Variants in AKAP11 observed in about 807,000 individuals in gnomAD.
AKAP11 encodes A-kinase anchor protein 11.
In AKAP11, 36 loss-of-function variants were observed where a neutral mutation model predicts 146.1. That is an observed-to-expected ratio of 0.25 (90% confidence interval 0.19 to 0.33). The LOEUF (loss-of-function observed/expected upper bound fraction) is 0.33, where lower values mean the gene tolerates loss of function less well. Ranked by LOEUF, AKAP11 falls within the 10% of genes least tolerant of loss-of-function variation. AKAP11 has a pLI of 1.00. For synonymous variants in AKAP11, 780 were observed against 786.5 expected (o/e 0.99, Z 0.14); for missense variants, 2,201 against 2,197.0 (o/e 1.00, Z -0.04).
At chr13:42,318,218 TAC>T (rs2138725036) in intron 12 of AKAP11, among the ~76,000 whole-genome samples, 1 of 152,340 alleles carries the variant, frequency 6.6e-6, no homozygotes, top group African/African-American at 2.4e-5. Context: ...ATTTTCAGTT[TAC>T]AGTCTTAAGG....
chr13:42,277,211 A>G (rs1958944630), intron 1 of AKAP11, among the ~76,000 whole-genome samples: 1 of 152,254 alleles, frequency 6.6e-6, no homozygotes, highest in South Asian at 2.1e-4. Context: ...CACACTCAAT[A>G]GTGAAACTAA....
Position 42,286,385 on chromosome 13 carries a change from G to A in AKAP11, c.37G>A (p.Ala13Thr). 6.2e-7 allele frequency: 1 copy of A among 1,600,456 alleles called. No individual in the cohort carries two copies. The highest frequency in any genetic ancestry group is 8.5e-7 in the Non-Finnish European group (1 of 1,174,680). ...TFRNNHMKTKASVRKSFSEDV... is the reference protein window; with the variant it reads ...TFRNNHMKTKTSVRKSFSEDV... ...CAGAAACAATCACATGAAGACTAAA[G>A]CATCTGTCAGAAAAGTAAGTTCACT... The change falls in exon 3 of 13, where the codon GCA becomes ACA. Residue 13 changes from alanine (A) to threonine (T), a missense_variant. By Grantham distance (58) the Ala-to-Thr change is moderately conservative. Coordinates refer to ENST00000025301, the MANE Select transcript of AKAP11 (RefSeq NM_016248.4).
Position 42,302,520 on chromosome 13 carries a change from T to G in AKAP11, c.3774T>G (p.Asn1258Lys), listed in dbSNP as rs770086796. Residue 1258 changes from asparagine (N) to lysine (K), a missense_variant, in exon 8 of 13, where the codon AAT (asparagine) becomes AAG (lysine). Asn to Lys is a moderately conservative substitution (Grantham distance 94). Around this residue, in one of 3 missense-constraint regions of AKAP11, gnomAD observed 1,867 missense variants for 1,833.5 expected, o/e 1.02. Coordinates refer to ENST00000025301, the MANE Select transcript of AKAP11 (RefSeq NM_016248.4). ...PSDENLKTLC[N>K]FAGDLAAEVI... ...ACGAAAATTTGAAAACATTATGCAA[T>G]TTTGCGGGTGATCTGGCAGCAGAAG... 19 of 1,614,124 alleles carry G rather than the reference T, an allele frequency of 1.2e-5. No homozygotes were observed. Among genetic ancestry groups the G allele is most frequent in the Non-Finnish European group, 1.6e-5 (19 of 1,180,010 alleles).
chr13:42,302,986 A>G lies in AKAP11; in HGVS notation c.4240A>G (p.Asn1414Asp), dbSNP rs1960032788. 3 of 1,613,760 alleles carry G rather than the reference A, an allele frequency of 1.9e-6. No homozygotes were observed. The highest frequency in any genetic ancestry group is 2.2e-5 in the East Asian group (1 of 44,886). ...KTNKELLMFS[N>D]KEHHQEADKK... ...AAACAAGGAACTGTTAATGTTTTCA[A>G]ACAAAGAGCACCACCAAGAAGCAGA... The change falls in exon 8 of 13, where the codon AAC becomes GAC. Residue 1414 changes from asparagine to aspartate, a missense_variant. By Grantham distance (23) the Asn-to-Asp change is conservative (BLOSUM62 1). Coordinates refer to ENST00000025301, the MANE Select transcript of AKAP11 (RefSeq NM_016248.4).
rs1020697910 is a variant in AKAP11 at position 42,292,422 on chromosome 13, T to C, written c.89T>C (p.Leu30Ser). Residue 30 changes from leucine (L) to serine (S), a missense_variant, in exon 4 of 13, where the codon TTA (leucine) becomes TCA (serine). Physicochemically the swap from Leu to Ser is moderately radical, Grantham distance 145 (BLOSUM62 -2). Transcript: ENST00000025301. ...GATGTGTTCCAGTCTGTAAAGTCTTTATTGCAGAGTCAGAAGGAACTATGC... is the reference window on the plus strand; with the variant it reads ...GATGTGTTCCAGTCTGTAAAGTCTTCATTGCAGAGTCAGAAGGAACTATGC... Reference protein sequence around the residue: ...SEDVFQSVKSLLQSQKELCSV... With the variant: ...SEDVFQSVKSSLQSQKELCSV... 1 of 1,593,342 alleles carries C rather than the reference T, an allele frequency of 6.3e-7. No individual in the cohort carries two copies. The highest frequency in any genetic ancestry group is 1.3e-5 in the African/African-American group (1 of 74,716).
rs1040891777 is a variant in AKAP11 at position 42,320,390 on chromosome 13, A to T, written c.*1162A>T. 7.2e-6 allele frequency: 1 copy of T among 138,280 alleles called. No homozygotes were observed. Among genetic ancestry groups the T allele is most frequent in the African/African-American group, 2.8e-5 (1 of 36,214 alleles). 8.6% of individuals were successfully genotyped at this position (138,280 alleles called of 1,614,324 possible). A position where few individuals can be genotyped will look rare whatever the true frequency, so the allele number is the denominator to read the frequency against. ...CTGACACGATCTTTCTGGGCTCTAC[A>T]TTTCCTACTAGTTTGTGTCCAGAAA... On this transcript the variant is annotated 3_prime_UTR_variant, in exon 13 of 13. Coordinates refer to ENST00000025301, the MANE Select transcript of AKAP11 (RefSeq NM_016248.4).
At position 42,302,810 on chromosome 13, in the gene AKAP11, A is replaced by G. The variant is rs374047011; in HGVS notation, c.4064A>G (p.Gln1355Arg). ...GGTCACCTTATTCAGATACTAAAAC[A>G]GGAAGGTGGTAATAGTGAGTTGATA... ...YAGHLIQILK[Q>R]EGGNSELIMD... Residue 1355 changes from glutamine (Q) to arginine (R), a missense_variant, in exon 8 of 13, where the codon CAG becomes CGG. Gln to Arg is a conservative substitution (Grantham distance 43). Coordinates refer to ENST00000025301, the MANE Select transcript of AKAP11 (RefSeq NM_016248.4). 36 of 1,614,044 alleles carry G rather than the reference A, an allele frequency of 2.2e-5. 1 individual carries two copies. In the Middle Eastern group the frequency reaches 3.0e-3, roughly 133 times the overall value.
rs1959653952 is a variant in AKAP11 at position 42,298,627 on chromosome 13, C to G, written c.446C>G (p.Ala149Gly). 2 of 1,612,230 alleles carry G rather than the reference C, an allele frequency of 1.2e-6. No individual in the cohort carries two copies. Residue 149 changes from alanine to glycine, a missense_variant, in exon 7 of 13, where the codon GCT becomes GGT. Physicochemically the swap from Ala to Gly is moderately conservative, Grantham distance 60. Coordinates refer to ENST00000025301, the MANE Select transcript of AKAP11 (RefSeq NM_016248.4). The part of the protein sequence containing the change: ...DFIFSLLSKY[A>G]TGIRYTLDTF... ...ATCTTTAGTCTCCTAAGTAAATATG[C>G]TACTGGTATAAGGTACACCTTGGAC...
intron 3 of AKAP11, 118 bp downstream of exon 3, chr13:42,286,517 C>G: frequency 3.2e-6 from 2 of 615,688 alleles, no homozygotes; most frequent in Non-Finnish European, 5.3e-6. Flanking sequence ...GAATTAGTAA[C>G]ATTGAACTAC....
rs140183218 is a variant in AKAP11, at chr13:42,304,354, A to G, written c.5117+491A>G. Among the ~76,000 whole-genome samples, 305 of 152,264 alleles carry G rather than the reference A, an allele frequency of 2.0e-3. 4 individuals are homozygous for G. The East Asian group carries it at 0.052, about 26-fold the overall frequency. On this transcript the variant is annotated intron_variant, in intron 8 of 12. Coordinates refer to ENST00000025301, the MANE Select transcript of AKAP11 (RefSeq NM_016248.4). ...TTACCCCTTTATCCAGTTTATCCATACTACATGTGCTGTTCACCTGTTAGT... is the reference window on the plus strand; with the variant it reads ...TTACCCCTTTATCCAGTTTATCCATGCTACATGTGCTGTTCACCTGTTAGT...
At chr13:42,313,819 ATTT>A in intron 10 of AKAP11, 72 bp from the exon 11 acceptor site, 1 of 1,303,110 alleles carries the variant, frequency 7.7e-7, no homozygotes, top group African/African-American at 1.5e-5. Context: ...TCATTACCAC[ATTT>A]TTAAGAATTT....
chr13:42,319,204 TGATTG>T lies in AKAP11; in HGVS notation c.5684_5688del (p.Asp1895AlafsTer29). 6.2e-7 allele frequency: 1 copy of T among 1,614,006 alleles called. No homozygotes were observed. Among genetic ancestry groups the T allele is most frequent in the Non-Finnish European group, 8.5e-7 (1 of 1,179,950 alleles). ...GTGAGGAGAGATGCAAGTCGCTGTT[TGATTG>T]GCTCTTGGAAAATGCATAGAGCAAA... On this transcript the variant is annotated frameshift_variant, in exon 13 of 13. Coordinates refer to ENST00000025301, the MANE Select transcript of AKAP11 (RefSeq NM_016248.4). LOFTEE classifies it high-confidence loss of function.
At chr13:42,275,354 C>T (rs1318849493) in intron 1 of AKAP11, among the ~76,000 whole-genome samples, 1 of 152,210 alleles carries the variant, frequency 6.6e-6, no homozygotes, top group East Asian at 1.9e-4. Context: ...CTCCAAGTCT[C>T]AGTTATGTTT....
Position 42,313,899 on chromosome 13 carries a change from G to T in AKAP11, c.5363G>T (p.Gly1788Val). 1 of 1,613,312 alleles carries T rather than the reference G, an allele frequency of 6.2e-7. No homozygotes were observed. The highest frequency in any genetic ancestry group is 1.1e-5 in the South Asian group (1 of 91,016). Residue 1788 changes from glycine (G) to valine (V), a missense_variant, in exon 11 of 13, where the codon GGA becomes GTA. By Grantham distance (109) the Gly-to-Val change is moderately radical (BLOSUM62 -3). Around this residue, in one of 3 missense-constraint regions of AKAP11, gnomAD observed 1,867 missense variants for 1,833.5 expected, o/e 1.02. Transcript: ENST00000025301. ...NLSFPTSDSDGPDDKDEEHED... is the reference protein window; with the variant it reads ...NLSFPTSDSDVPDDKDEEHED... The stretch of plus-strand genomic sequence containing the variant: ...TCTGCTATTTTATTCATAAGTGATG[G>T]ACCAGATGATAAAGATGAAGAGCAT...
chr13:42,300,556 G>T lies in AKAP11; in HGVS notation c.1810G>T (p.Ala604Ser), dbSNP rs770366668. Residue 604 changes from alanine to serine, a missense_variant, in exon 8 of 13, where the codon GCA (alanine) becomes TCA (serine). Coordinates refer to ENST00000025301, the MANE Select transcript of AKAP11 (RefSeq NM_016248.4). Reference protein sequence around the residue: ...MAFDELRRQRAFSLKERAISG... With the variant: ...MAFDELRRQRSFSLKERAISG... ...ATTTGATGAGCTGAGAAGGCAGCGT[G>T]CATTTTCACTAAAAGAACGTGCCAT... 1 of 1,613,968 alleles carries T rather than the reference G, an allele frequency of 6.2e-7. No individual in the cohort carries two copies. The highest frequency in any genetic ancestry group is 1.1e-5 in the South Asian group (1 of 91,030).
intron 11 of AKAP11, among the ~76,000 whole-genome samples, chr13:42,316,949 A>G (rs1456582186): frequency 1.3e-5 from 2 of 152,026 alleles, no homozygotes; most frequent in Non-Finnish European, 2.9e-5. Flanking sequence ...GCAATCTCGG[A>G]TCACTGCAAC....
chr13:42,299,733 A>C lies in AKAP11; in HGVS notation c.987A>C (p.Leu329Phe). ...FLDEEGYQKS[L>F]KAKLELPKIP... is the part of the protein sequence containing the mutation. ...ATGAAGAGGGATATCAAAAAAGCTT[A>C]AAAGCAAAACTTGAGCTGCCTAAAA... is the stretch of plus-strand genomic sequence containing the variant. Residue 329 changes from leucine to phenylalanine, a missense_variant, in exon 8 of 13, where the codon TTA (leucine) becomes TTC (phenylalanine). Coordinates refer to ENST00000025301, the MANE Select transcript of AKAP11 (RefSeq NM_016248.4). The C allele has an allele frequency of 6.2e-7, 1 of 1,613,996 alleles. No individual in the cohort carries two copies. Among genetic ancestry groups the C allele is most frequent in the Non-Finnish European group, 8.5e-7 (1 of 1,179,898 alleles).
rs1314218968 is a variant in AKAP11 at position 42,319,378 on chromosome 13, T to C, written c.*150T>C. 2 of 972,316 alleles carry C rather than the reference T, an allele frequency of 2.1e-6. No individual in the cohort carries two copies. The highest frequency in any genetic ancestry group is 2.6e-5 in the East Asian group (1 of 38,226). 60.2% of individuals were successfully genotyped at this position (972,316 alleles called of 1,614,324 possible). ...ATAGCTTTCTGAGCGCTTTGTGTTA[T>C]CACTCGGTGTATATAGTTCATACTT... On this transcript the variant is annotated 3_prime_UTR_variant, in exon 13 of 13. Coordinates refer to ENST00000025301, the MANE Select transcript of AKAP11 (RefSeq NM_016248.4).
intron 12 of AKAP11, 38 bp downstream of exon 12, chr13:42,317,726 A>AC (rs1960890046): frequency 1.3e-6 from 2 of 1,594,042 alleles, no homozygotes; most frequent in African/African-American, 2.7e-5. Flanking sequence ...GATACATTTA[A>AC]CAGTATATGA....
Sources: allele counts gnomAD v4.1 joint callset (sites outside exome capture counted in the v4.1 genomes callset), GRCh38; gene constraint gnomAD v4.1.1; regional missense constraint gnomAD v4.1.1; transcripts MANE v1.5; gene names NCBI Gene and HGNC (gene_info 2026-07-23, HGNC 2026-07-21).